Variants in CUL1 observed in about 807,000 individuals in gnomAD.
CUL1 encodes cullin-1.
Under a neutral mutation model 118.0 loss-of-function variants are expected in CUL1, and 24 were observed. The ratio of observed to expected loss-of-function variants is 0.20; its 90% CI spans 0.15 to 0.29. The LOEUF (loss-of-function observed/expected upper bound fraction) is 0.29, where lower values mean the gene tolerates loss of function less well. Among genes scored for constraint, CUL1 ranks in the 10% least tolerant of loss-of-function variants. CUL1 has a pLI of 1.00. For synonymous variants in CUL1, 332 were observed against 340.4 expected, an observed-to-expected ratio of 0.98 and a Z score of 0.27; for missense variants, 361 against 933.8, an observed-to-expected ratio of 0.39 and a Z score of 7.99.
At chr7:148,790,275 A>G in intron 15 of CUL1, 35 bp from the exon 16 acceptor site, 3 of 1,611,426 alleles carry the variant, frequency 1.9e-6, no homozygotes, top group Non-Finnish European at 2.5e-6. Flanking sequence ...ATGTGGTGAG[A>G]TCTGTATTCC....
chr7:148,755,057 C>T (rs962251715), intron 3 of CUL1, among the ~76,000 whole-genome samples: 2 of 152,164 alleles, frequency 1.3e-5, no homozygotes, highest in African/African-American at 2.4e-5. Context: ...CTGGCCATGA[C>T]GTGTATTTCA....
intron 7 of CUL1, among the ~76,000 whole-genome samples, chr7:148,762,501 C>T (rs1018022792): frequency 2.6e-5 from 4 of 152,200 alleles, no homozygotes; most frequent in Non-Finnish European, 5.9e-5. Flanking sequence ...AACCAGCTCA[C>T]CCAGAGTTTC....
chr7:148,755,866 T>C (rs2129460408), intron 3 of CUL1, among the ~76,000 whole-genome samples: 1 of 152,372 alleles, frequency 6.6e-6, no homozygotes, highest in South Asian at 2.1e-4. Context: ...ATGTGGAGCT[T>C]CCAGTCTGTT....
chr7:148,717,502 C>T (rs1798251930), intron 1 of CUL1, among the ~76,000 whole-genome samples: 1 of 151,910 alleles, frequency 6.6e-6, no homozygotes, highest in Admixed American at 6.6e-5. Flanking sequence ...ACGATAACTG[C>T]TTTGTGTCGC....
chr7:148,781,079 A>ATTTTTTTTTTT lies in CUL1; in HGVS notation c.1084-2692_1084-2682dup, dbSNP rs1197920664. On this transcript the variant is annotated intron_variant, in intron 9 of 21. Transcript: ENST00000325222. ...GCTAAATTCACATTTTCAAGGCCAG[A>ATTTTTTTTTTT]TTTTTTTTTTTTTTTTTTTTTTGAC... Among the ~76,000 whole-genome samples, 132 of 93,724 alleles carry ATTTTTTTTTTT rather than the reference A, an allele frequency of 1.4e-3. 12 individuals are homozygous for ATTTTTTTTTTT. The highest frequency in any genetic ancestry group is 2.8e-3 in the African/African-American group (61 of 21,738). 61.5% of individuals were successfully genotyped at this position (93,724 alleles called of 152,430 possible).
chr7:148,788,377 C>T (rs540843496), intron 13 of CUL1, among the ~76,000 whole-genome samples, 180 bp from the exon 14 acceptor site: 1 of 152,246 alleles, frequency 6.6e-6, no homozygotes, highest in Admixed American at 6.5e-5. Flanking sequence ...GGTTTTTTGA[C>T]AGTGTATTAA....
rs1799936046 is a variant in CUL1, at chr7:148,764,385, A to G, written c.790-2176A>G. Among the ~76,000 whole-genome samples, 3 of 152,162 alleles carry G rather than the reference A, an allele frequency of 2.0e-5. No individual in the cohort carries two copies. The South Asian group carries it at 6.2e-4, about 32-fold the overall frequency. ...TACCTACGACCTTGGTTTCCTTGCC[A>G]ATATATAAAATAAGCTAGTGTTGAG... On this transcript the variant is annotated intron_variant, in intron 7 of 21. Coordinates refer to ENST00000325222, the MANE Select transcript of CUL1 (RefSeq NM_003592.3).
chr7:148,781,789 G>C (rs1369797808), intron 9 of CUL1, among the ~76,000 whole-genome samples: 1 of 152,158 alleles, frequency 6.6e-6, no homozygotes, highest in Non-Finnish European at 1.5e-5. Flanking sequence ...AGGCTGCCAG[G>C]TGGGCAAGGC....
At chr7:148,767,010 G>T (rs1351113178) in intron 8 of CUL1, among the ~76,000 whole-genome samples, 1 of 152,156 alleles carries the variant, frequency 6.6e-6, no homozygotes, top group African/African-American at 2.4e-5. Flanking sequence ...AATTCTCTGA[G>T]ATGAGGAGAC....
At chr7:148,728,053 C>T (rs558339626) in intron 1 of CUL1, among the ~76,000 whole-genome samples, 1 of 152,020 alleles carries the variant, frequency 6.6e-6, no homozygotes, top group African/African-American at 2.4e-5. Context: ...AAATAGTCGC[C>T]CAGGTAAGAG....
rs754593432 is a variant in CUL1, at chr7:148,792,708, A to G, written c.1807-18A>G. 1 of 1,596,220 alleles carries G rather than the reference A, an allele frequency of 6.3e-7. No homozygotes were observed. Among genetic ancestry groups the G allele is most frequent in the Non-Finnish European group, 8.5e-7 (1 of 1,169,946 alleles). On this transcript the variant is annotated intron_variant, in intron 16 of 21. Coordinates refer to ENST00000325222, the MANE Select transcript of CUL1 (RefSeq NM_003592.3). Reference sequence around the variant, plus strand: ...TGTAAATTTTCCTTCTTTTTCTTTTATATGGGGGGCCGCAAAGGCGTCGAC... The same window carrying G: ...TGTAAATTTTCCTTCTTTTTCTTTTGTATGGGGGGCCGCAAAGGCGTCGAC...
At chr7:148,719,646 T>C (rs1347954743) in intron 1 of CUL1, among the ~76,000 whole-genome samples, 1 of 152,228 alleles carries the variant, frequency 6.6e-6, no homozygotes, top group East Asian at 1.9e-4. Flanking sequence ...AACTGTAGAA[T>C]AATACAACAT....
intron 9 of CUL1, among the ~76,000 whole-genome samples, chr7:148,771,120 C>T (rs757012227): frequency 7.2e-5 from 11 of 152,002 alleles, no homozygotes; most frequent in Non-Finnish European, 1.3e-4. Flanking sequence ...ATATCAGTCC[C>T]GTGTCTTTCT....
At chr7:148,721,428 G>A (rs1798392516) in intron 1 of CUL1, among the ~76,000 whole-genome samples, 1 of 150,898 alleles carries the variant, frequency 6.6e-6, no homozygotes, top group African/African-American at 2.4e-5. Flanking sequence ...ATGGAAAGTA[G>A]AAACTGCAGT....
In CUL1 at chr7:148,789,832, G is replaced by A; in HGVS notation, c.1674+6G>A. 1 of 1,613,942 alleles carries A rather than the reference G, an allele frequency of 6.2e-7. No individual in the cohort carries two copies. Among genetic ancestry groups the A allele is most frequent in the Admixed American group, 1.7e-5 (1 of 60,030 alleles). On this transcript the variant is annotated splice_donor_region_variant and intron_variant, in intron 15 of 21. Transcript: ENST00000325222. Reference sequence around the variant, plus strand: ...CATTTGCCTTGCCGTCAGAGGTAAGGATGGGTTTGTCTGCCATCCCATTAG... The same window carrying A: ...CATTTGCCTTGCCGTCAGAGGTAAGAATGGGTTTGTCTGCCATCCCATTAG...
chr7:148,709,807 G>A lies in CUL1; in HGVS notation c.-162+10778G>A, dbSNP rs1408003315. 3.3e-5 allele frequency among the ~76,000 whole-genome samples: 5 copies of A among 152,330 alleles called. No homozygotes were observed. In the South Asian group the frequency reaches 1.0e-3, roughly 32 times the overall value. On this transcript the variant is annotated intron_variant, in intron 1 of 21. Coordinates refer to ENST00000325222, the MANE Select transcript of CUL1 (RefSeq NM_003592.3). ...CCTGCTTAAGGTATGGGTTTTGCCA[G>A]GCGTGGTGGCTCACGTCTGTAATTT...
At chr7:148,799,213 A>G (rs1035561961) in intron 20 of CUL1, 62 bp from the exon 21 acceptor site, 7 of 1,296,398 alleles carry the variant, frequency 5.4e-6, no homozygotes, top group African/African-American at 4.4e-5. Flanking sequence ...CTTGTCCTTA[A>G]CTATCAATAC....
At chr7:148,782,851 G>A (rs1800685980) in intron 9 of CUL1, among the ~76,000 whole-genome samples, 1 of 152,006 alleles carries the variant, frequency 6.6e-6, no homozygotes, top group African/African-American at 2.4e-5. Flanking sequence ...GTGCCGCGGC[G>A]CCTGGATCTG....
intron 1 of CUL1, among the ~76,000 whole-genome samples, chr7:148,709,939 C>G (rs1367354211): frequency 2.0e-5 from 3 of 151,802 alleles, no homozygotes; most frequent in African/African-American, 7.3e-5. Context: ...AAAGATTAGC[C>G]AGGTGTGGTG....
Sources: allele counts gnomAD v4.1 joint callset (sites outside exome capture counted in the v4.1 genomes callset), GRCh38; gene constraint gnomAD v4.1.1; transcripts MANE v1.5; gene names NCBI Gene and HGNC (gene_info 2026-07-23, HGNC 2026-07-21).